Variants in ERC2 observed in about 807,000 individuals in gnomAD.
ERC2 encodes ERC protein 2.
A neutral mutation model predicts 114.8 loss-of-function variants in ERC2; 42 were observed. The ratio of observed to expected loss-of-function variants is 0.37; its 90% CI spans 0.29 to 0.47. The LOEUF (loss-of-function observed/expected upper bound fraction) is 0.47. ERC2 is among the 20% of genes least tolerant of loss of function. ERC2 has a pLI of 0.99. For missense variants in ERC2, 939 were observed against 1,150.7 expected (o/e 0.82, Z 2.66); for synonymous variants, 454 against 425.5 (o/e 1.07, Z -0.82).
At position 55,691,967 on chromosome 3, in the gene ERC2, A is replaced by G. The variant is rs142674653; in HGVS notation, c.2847+7411T>C. ...CTGACATAGAGCAATACATACATAT[A>G]TACACACAGGATGCTATGTATACAT... On this transcript the variant is annotated intron_variant, in intron 16 of 17. Transcript: ENST00000288221. Among the ~76,000 whole-genome samples, 53 of 152,318 alleles carry G rather than the reference A, an allele frequency of 3.5e-4. No individual in the cohort carries two copies. The East Asian group carries it at 8.7e-3, about 25-fold the overall frequency.
At chr3:56,098,720 C>T (rs993894801) in intron 6 of ERC2, among the ~76,000 whole-genome samples, 25 of 152,148 alleles carry the variant, frequency 1.6e-4, no homozygotes, top group Admixed American at 5.9e-4. Flanking sequence ...GATCCTAAGG[C>T]CACATCCAGA....
At chr3:56,328,381 T>C (rs1576451612) in intron 2 of ERC2, among the ~76,000 whole-genome samples, 1 of 152,246 alleles carries the variant, frequency 6.6e-6, no homozygotes, top group African/African-American at 2.4e-5. Context: ...ATCTACAAAA[T>C]TGGGAATCTC....
At chr3:55,956,369 A>C (rs2067954111) in intron 12 of ERC2, among the ~76,000 whole-genome samples, 2 of 152,346 alleles carry the variant, frequency 1.3e-5, no homozygotes, top group East Asian at 1.9e-4. Flanking sequence ...CACACACGAC[A>C]GAAGCTGACA....
chr3:56,033,046 A>AAAAAGAAAC (rs1560058504), intron 7 of ERC2, among the ~76,000 whole-genome samples: 5 of 95,182 alleles, frequency 5.3e-5, no homozygotes, highest in African/African-American at 1.6e-4. Flanking sequence ...GAAAGAAAGA[A>AAAAAGAAAC]AGAAAGAAAG....
chr3:55,652,249 T>A (rs982742565), intron 17 of ERC2, among the ~76,000 whole-genome samples: 1 of 152,360 alleles, frequency 6.6e-6, no homozygotes, highest in African/African-American at 2.4e-5. Context: ...GCAGGTTCTG[T>A]TTCTAGTCTG....
At chr3:55,641,237 C>T (rs2060168464) in intron 17 of ERC2, among the ~76,000 whole-genome samples, 1 of 152,068 alleles carries the variant, frequency 6.6e-6, no homozygotes. Flanking sequence ...AGTCATTATA[C>T]CCTGACTTTT....
chr3:56,224,442 CATGGTGATGGAA>C (rs145438465), intron 3 of ERC2, among the ~76,000 whole-genome samples: 4,222 of 152,108 alleles, frequency 0.028, 101 homozygotes, highest in South Asian at 0.04. Context: ...AGGGGTTTTT[CATGGTGATGGAA>C]ATAGAGATGG....
At chr3:56,205,678 T>G (rs2048682868) in intron 3 of ERC2, among the ~76,000 whole-genome samples, 1 of 151,994 alleles carries the variant, frequency 6.6e-6, no homozygotes, top group African/African-American at 2.4e-5. Flanking sequence ...ATGCAACAGA[T>G]GCCAGGAAGA....
At chr3:55,742,100 A>T (rs956370759) in intron 14 of ERC2, among the ~76,000 whole-genome samples, 3 of 152,096 alleles carry the variant, frequency 2.0e-5, no homozygotes, top group Admixed American at 2.0e-4. Context: ...ACCCTGAAAA[A>T]AAAAAAAACA....
intron 14 of ERC2, among the ~76,000 whole-genome samples, chr3:55,829,831 A>T (rs9857104): frequency 0.059 from 8,981 of 152,264 alleles, 322 homozygotes; most frequent in South Asian, 0.16. Context: ...GCCCCAAAAT[A>T]TCGAACATTT....
intron 17 of ERC2, among the ~76,000 whole-genome samples, chr3:55,545,387 G>A (rs113958403): frequency 3.9e-5 from 6 of 152,202 alleles, no homozygotes; most frequent in Non-Finnish European, 7.4e-5. Flanking sequence ...ACCAGGACAC[G>A]CAGTGAACAC....
intron 17 of ERC2, among the ~76,000 whole-genome samples, chr3:55,552,450 A>G (rs1453118913): frequency 6.6e-6 from 1 of 151,864 alleles, no homozygotes; most frequent in Non-Finnish European, 1.5e-5. Context: ...CCTGGCTTTG[A>G]GGCGTCTGGA....
At chr3:55,757,294 T>C (rs2067124742) in intron 14 of ERC2, among the ~76,000 whole-genome samples, 1 of 152,070 alleles carries the variant, frequency 6.6e-6, no homozygotes, top group Non-Finnish European at 1.5e-5. Flanking sequence ...ACGATATTAC[T>C]TAGCATAATG....
At chr3:56,449,576 G>C (rs1189267626) in intron 1 of ERC2, among the ~76,000 whole-genome samples, 1 of 152,194 alleles carries the variant, frequency 6.6e-6, no homozygotes, top group Non-Finnish European at 1.5e-5. Flanking sequence ...AGAGAGGAGA[G>C]ACATAGTGTT....
At chr3:55,562,566 TAAG>T (rs1317776055) in intron 17 of ERC2, among the ~76,000 whole-genome samples, 1 of 152,168 alleles carries the variant, frequency 6.6e-6, no homozygotes, top group Non-Finnish European at 1.5e-5. Flanking sequence ...GGATGCCATA[TAAG>T]AAAAGTCCAA....
chr3:56,405,602 T>C (rs892491922), intron 2 of ERC2, among the ~76,000 whole-genome samples: 2 of 151,546 alleles, frequency 1.3e-5, no homozygotes, highest in Non-Finnish European at 1.5e-5. Flanking sequence ...ATACATAGCA[T>C]AGATAGATGG....
chr3:56,398,316 A>G (rs1029931666), intron 2 of ERC2, among the ~76,000 whole-genome samples: 5 of 152,222 alleles, frequency 3.3e-5, no homozygotes, highest in Non-Finnish European at 7.3e-5. Flanking sequence ...CATTTTACAA[A>G]TGAGGTTTAA....
chr3:56,464,102 T>TAAAACA (rs2063435215), intron 1 of ERC2, among the ~76,000 whole-genome samples: 1 of 152,114 alleles, frequency 6.6e-6, no homozygotes, highest in Non-Finnish European at 1.5e-5. Flanking sequence ...GGGATGAAAA[T>TAAAACA]TGCATTCCCC....
At chr3:56,173,807 G>A (rs1575684697) in intron 3 of ERC2, 2 of 317,480 alleles carry the variant, frequency 6.3e-6, no homozygotes, top group Non-Finnish European at 5.7e-6. Flanking sequence ...TTCAACACTG[G>A]GGCTGATGCC....
Sources: allele counts gnomAD v4.1 joint callset (sites outside exome capture counted in the v4.1 genomes callset), GRCh38; gene constraint gnomAD v4.1.1; transcripts MANE v1.5; gene names NCBI Gene and HGNC (gene_info 2026-07-23, HGNC 2026-07-21).